The following CLSTN2 variants were observed in gnomAD, a reference collection of about 807,000 sequenced individuals.
CLSTN2 encodes the protein calsyntenin-2.
A neutral mutation model predicts 101.2 loss-of-function variants in CLSTN2; 48 were observed. The ratio of observed to expected loss-of-function variants is 0.47; its 90% CI spans 0.38 to 0.60. The LOEUF is 0.60. CLSTN2 is among the 20% of genes least tolerant of loss of function. The pLI is 0.00. For synonymous variants in CLSTN2, 481 were observed against 463.6 expected (o/e 1.04, Z -0.48); for missense variants, 1,160 against 1,238.2 (o/e 0.94, Z 0.95).
chr3:140,070,364 A>C (rs576611080), intron 1 of CLSTN2, among the ~76,000 whole-genome samples: 1 of 152,348 alleles, frequency 6.6e-6, no homozygotes, highest in African/African-American at 2.4e-5. Context: ...ATGGAGGTCT[A>C]CAGACCTCAT....
At chr3:140,170,390 G>A (rs1424328042) in intron 1 of CLSTN2, among the ~76,000 whole-genome samples, 1 of 152,172 alleles carries the variant, frequency 6.6e-6, no homozygotes, top group Non-Finnish European at 1.5e-5. Flanking sequence ...CAAAAATCCT[G>A]ATGTGAGGGA....
At chr3:140,057,703 C>A (rs1050526488) in intron 1 of CLSTN2, among the ~76,000 whole-genome samples, 8 of 152,108 alleles carry the variant, frequency 5.3e-5, no homozygotes, top group African/African-American at 1.9e-4. Flanking sequence ...ACATGAAGAG[C>A]ACTTTGCTTT....
At chr3:140,248,142 G>A (rs964931999) in intron 2 of CLSTN2, among the ~76,000 whole-genome samples, 2 of 152,230 alleles carry the variant, frequency 1.3e-5, no homozygotes, top group African/African-American at 4.8e-5. Flanking sequence ...TCTGATGGAG[G>A]AGCAGGGCAA....
chr3:140,348,080 C>A (rs373379134), intron 2 of CLSTN2, among the ~76,000 whole-genome samples: 1 of 152,164 alleles, frequency 6.6e-6, no homozygotes. Flanking sequence ...GTTAGCTCTA[C>A]CTCCTAGACA....
chr3:140,336,663 T>C (rs1216352860), intron 2 of CLSTN2, among the ~76,000 whole-genome samples: 1 of 152,230 alleles, frequency 6.6e-6, no homozygotes, highest in African/African-American at 2.4e-5. Context: ...TTCATCAGCC[T>C]GTCAGAGCTG....
chr3:140,059,787 A>T (rs1348062829), intron 1 of CLSTN2, among the ~76,000 whole-genome samples: 1 of 152,196 alleles, frequency 6.6e-6, no homozygotes, highest in Non-Finnish European at 1.5e-5. Flanking sequence ...GCTTTCCAAA[A>T]TTGCAATGGG....
Position 140,456,557 on chromosome 3 carries a change from C to T in CLSTN2, c.974-2964C>T, listed in dbSNP as rs927825059. Among the ~76,000 whole-genome samples the T allele has an allele frequency of 7.8e-4, 119 of 152,228 alleles. 1 individual carries two copies. The highest frequency in any genetic ancestry group is 2.7e-3 in the African/African-American group (113 of 41,552). On this transcript the variant is annotated intron_variant, in intron 6 of 16. Transcript: ENST00000458420. ...ATCCCAGCACTTTGGGAGGCTGAGG[C>T]GGGCAGATCACCTGAGGTCAGGAGT... is the stretch of plus-strand genomic sequence containing the variant.
chr3:140,359,765 A>G (rs982622494), intron 2 of CLSTN2, among the ~76,000 whole-genome samples: 2 of 152,110 alleles, frequency 1.3e-5, no homozygotes, highest in African/African-American at 4.8e-5. Flanking sequence ...GAAAAGAGAA[A>G]CTTAATTACT....
rs111317283 is a variant in CLSTN2 at position 140,172,199 on chromosome 3, A to G, written c.110-3752A>G. Among the ~76,000 whole-genome samples the G allele has an allele frequency of 6.7e-3, 981 of 145,584 alleles. 11 individuals are homozygous for G. The highest frequency in any genetic ancestry group is 0.022 in the African/African-American group (870 of 39,808). On this transcript the variant is annotated intron_variant, in intron 1 of 16. Transcript: ENST00000458420. The stretch of plus-strand genomic sequence containing the variant: ...ATTTTGAATCTGATGTACCTACTCT[A>G]TATCCAGACTTCTGTGAGGGTATTG...
chr3:140,465,298 G>A (rs150539937), intron 7 of CLSTN2, among the ~76,000 whole-genome samples: 12 of 152,214 alleles, frequency 7.9e-5, no homozygotes, highest in Non-Finnish European at 1.0e-4. Flanking sequence ...AAATATGGCC[G>A]CACAGCTCCA....
chr3:140,298,384 G>A (rs748554509), intron 2 of CLSTN2, among the ~76,000 whole-genome samples: 5 of 152,184 alleles, frequency 3.3e-5, no homozygotes, highest in Non-Finnish European at 5.9e-5. Context: ...CCATTAGACC[G>A]GAAGGAAATA....
intron 2 of CLSTN2, among the ~76,000 whole-genome samples, chr3:140,229,073 G>A (rs1446636221): frequency 1.3e-5 from 2 of 152,130 alleles, no homozygotes; most frequent in African/African-American, 4.8e-5. Context: ...CCAGAGAGAG[G>A]AACCTGAGCC....
At chr3:140,326,283 T>C (rs1488666076) in intron 2 of CLSTN2, among the ~76,000 whole-genome samples, 8 of 152,192 alleles carry the variant, frequency 5.3e-5, no homozygotes, top group Non-Finnish European at 4.4e-5. Context: ...AGTTAATAGC[T>C]GACTACCAAT....
At chr3:140,414,836 T>C (rs1277614746) in intron 4 of CLSTN2, among the ~76,000 whole-genome samples, 1 of 151,898 alleles carries the variant, frequency 6.6e-6, no homozygotes, top group African/African-American at 2.4e-5. Context: ...ATCCTAAAAT[T>C]CATATAGAAG....
intron 8 of CLSTN2, among the ~76,000 whole-genome samples, chr3:140,528,707 C>A (rs2107777555): frequency 6.6e-6 from 1 of 151,940 alleles, no homozygotes; most frequent in South Asian, 2.1e-4. Flanking sequence ...TACTTGCCAT[C>A]TATTCCTAAT....
intron 2 of CLSTN2, among the ~76,000 whole-genome samples, chr3:140,344,942 G>A (rs1313609292): frequency 6.6e-6 from 1 of 152,152 alleles, no homozygotes; most frequent in Non-Finnish European, 1.5e-5. Context: ...GAAAGAAATG[G>A]GGCTCTGGCA....
intron 9 of CLSTN2, among the ~76,000 whole-genome samples, chr3:140,540,377 C>T (rs957637567): frequency 2.6e-5 from 4 of 152,224 alleles, no homozygotes; most frequent in African/African-American, 9.6e-5. Context: ...CTGCAGCCTA[C>T]AGCTGTGTGA....
At chr3:140,104,132 G>A (rs1024199642) in intron 1 of CLSTN2, among the ~76,000 whole-genome samples, 2 of 152,196 alleles carry the variant, frequency 1.3e-5, no homozygotes, top group Non-Finnish European at 2.9e-5. Flanking sequence ...TCACTATCAT[G>A]CAGTTAGTGA....
chr3:140,087,820 G>A (rs1389043712), intron 1 of CLSTN2, among the ~76,000 whole-genome samples: 1 of 152,196 alleles, frequency 6.6e-6, no homozygotes, highest in Non-Finnish European at 1.5e-5. Context: ...TAAGTTGTTT[G>A]TAGCATGGAA....
Sources: gnomAD v4.1 joint callset for allele counts (sites outside exome capture counted in the v4.1 genomes callset) on GRCh38, gnomAD v4.1.1 for gene constraint, MANE v1.5 for transcripts, NCBI Gene and HGNC (gene_info 2026-07-23, HGNC 2026-07-21) for gene names.